The following ZNF454 variants were observed in gnomAD, a reference collection of about 807,000 sequenced individuals.
ZNF454 encodes the protein zinc finger protein 454.
In ZNF454, 30 loss-of-function variants were observed where a neutral mutation model predicts 48.2. That is an observed-to-expected ratio of 0.62 (90% CI 0.47 to 0.84). The LOEUF (loss-of-function observed/expected upper bound fraction) is 0.84, where lower values mean the gene tolerates loss of function less well. Ranked by LOEUF, ZNF454 falls within the 40% of genes least tolerant of loss-of-function variation. The pLI is 0.00. For missense variants in ZNF454, 510 were observed against 623.1 expected, an observed-to-expected ratio of 0.82 and a Z score of 1.93; for synonymous variants, 204 against 211.4, an observed-to-expected ratio of 0.97 and a Z score of 0.30.
At chr5:178,964,402 G>C (rs1760081886) in intron 4 of ZNF454, among the ~76,000 whole-genome samples, 1 of 152,294 alleles carries the variant, frequency 6.6e-6, no homozygotes, top group South Asian at 2.1e-4. Context: ...TTACAGGTGT[G>C]AGCCACAACG....
chr5:178,973,818 G>A, the ZNF454 span, among the ~76,000 whole-genome samples: 1 of 146,568 alleles, frequency 6.8e-6, no homozygotes, highest in Admixed American at 6.9e-5. Flanking sequence ...ACTCCAGCCT[G>A]GGCGACAGAG....
intron 4 of ZNF454, among the ~76,000 whole-genome samples, chr5:178,961,087 C>T (rs1759998122): frequency 6.6e-6 from 1 of 151,322 alleles, no homozygotes; most frequent in Non-Finnish European, 1.5e-5. Flanking sequence ...CGTGCCACTG[C>T]ACCCGGCTAA....
the ZNF454 span, chr5:178,989,289 C>A: frequency 6.5e-7 from 1 of 1,539,756 alleles, no homozygotes; most frequent in East Asian, 2.6e-5. Flanking sequence ...GTGGAATCGT[C>A]TGACTGGGTA....
At position 178,966,210 on chromosome 5, in the gene ZNF454, G is replaced by A. The variant is rs1000356748; in HGVS notation, c.*237G>A. 11 of 368,856 alleles carry A rather than the reference G, an allele frequency of 3.0e-5. No homozygotes were observed. The highest frequency in any genetic ancestry group is 8.2e-5 in the African/African-American group (4 of 48,716). The allele number at this position is 368,856 out of a possible 1,614,324, so 22.8% of individuals were successfully genotyped here. ...AGCACTTTGGGAGGCCGAGGTGGGC[G>A]GATCACGAGGTCAGGAGATCGAGAC... On this transcript the variant is annotated 3_prime_UTR_variant, in exon 5 of 5. Transcript: ENST00000519564.
the ZNF454 span, chr5:178,985,716 A>AG: frequency 2.4e-6 from 1 of 410,622 alleles, no homozygotes; most frequent in African/African-American, 2.3e-5. Flanking sequence ...AAAAAAAAAC[A>AG]AAACAACACA....
rs1322719444 is a variant in ZNF454 at position 178,961,677 on chromosome 5, G to T, written c.251-2978G>T. Among the ~76,000 whole-genome samples the T allele has an allele frequency of 1.3e-5, 2 of 151,140 alleles. 1 individual carries two copies. The highest frequency in any genetic ancestry group is 1.3e-4 in the Admixed American group (2 of 15,030). On this transcript the variant is annotated intron_variant, in intron 4 of 4. Coordinates refer to ENST00000519564, the MANE Select transcript of ZNF454 (RefSeq NM_001178089.3). ...GTAAAACACAAAAAAAAAATTAGCTGGGCATGGCAGCGTGCACCTGTAGTC... is the reference window on the plus strand; with the variant it reads ...GTAAAACACAAAAAAAAAATTAGCTTGGCATGGCAGCGTGCACCTGTAGTC...
chr5:178,965,708 C>T lies in ZNF454; in HGVS notation c.1304C>T (p.Thr435Ile), dbSNP rs751907552. ...SALAQHQRIH[T>I]GEKPYTCNIC... Reference sequence around the variant, plus strand: ...CTAGCCCAACATCAGAGAATTCATACTGGGGAAAAACCTTATACATGTAAC... The same window carrying T: ...CTAGCCCAACATCAGAGAATTCATATTGGGGAAAAACCTTATACATGTAAC... Residue 435 changes from threonine (T) to isoleucine (I), a missense_variant, in exon 5 of 5, where the codon ACT (threonine) becomes ATT (isoleucine). Thr to Ile is a moderately conservative substitution (Grantham distance 89). Coordinates refer to ENST00000519564, the MANE Select transcript of ZNF454 (RefSeq NM_001178089.3). This position sits in a 1 kb window ranked among gnomAD's most constrained non-coding sequence, Gnocchi z 5.2. 2 of 1,614,168 alleles carry T rather than the reference C, an allele frequency of 1.2e-6. No individual in the cohort carries two copies. The highest frequency in any genetic ancestry group is 3.3e-5 in the Admixed American group (2 of 60,020).
At chr5:178,989,217 A>AACC in the ZNF454 span, 6 of 954,812 alleles carry the variant, frequency 6.3e-6, no homozygotes, top group Middle Eastern at 3.3e-4. Context: ...CCCCACCCTC[A>AACC]CCACCCTCCC....
intron 4 of ZNF454, among the ~76,000 whole-genome samples, chr5:178,960,912 T>C (rs978398506): frequency 3.3e-5 from 5 of 150,654 alleles, no homozygotes; most frequent in African/African-American, 1.2e-4. Context: ...TTATGTTTTA[T>C]TTGTTCATCC....
chr5:178,942,502 A>T, intron 1 of ZNF454, 183 bp from the exon 2 acceptor site: 1 of 376,322 alleles, frequency 2.7e-6, no homozygotes, highest in Non-Finnish European at 4.8e-6. Context: ...CTGGACCTGG[A>T]GCAGGCTTTC....
the ZNF454 span, among the ~76,000 whole-genome samples, chr5:178,975,005 G>A: frequency 2.0e-5 from 3 of 152,028 alleles, no homozygotes; most frequent in South Asian, 2.1e-4. Flanking sequence ...AAAATATAAC[G>A]ACACATCAAA....
chr5:178,975,833 G>A, the ZNF454 span: 2 of 307,298 alleles, frequency 6.5e-6, no homozygotes, highest in African/African-American at 4.4e-5. Flanking sequence ...CTGACTTTAG[G>A]TAAAGGAGAT....
intron 2 of ZNF454, 147 bp downstream of exon 2, chr5:178,942,971 C>A: frequency 1.3e-6 from 1 of 793,692 alleles, no homozygotes; most frequent in Non-Finnish European, 2.0e-6. Context: ...ACCCTCCAAC[C>A]CCGCCCCATA....
At chr5:178,989,013 GC>G in the ZNF454 span, 1 of 1,614,000 alleles carries the variant, frequency 6.2e-7, no homozygotes, top group Non-Finnish European at 8.5e-7. Context: ...AGGCCTGTGT[GC>G]CCAGGGCAGA....
At chr5:178,949,984 G>C (rs1005066020) in intron 4 of ZNF454, among the ~76,000 whole-genome samples, 1 of 151,970 alleles carries the variant, frequency 6.6e-6, no homozygotes, top group Admixed American at 6.6e-5. Flanking sequence ...GGTTTTCAAG[G>C]AATTGGATCT....
At chr5:178,969,810 T>C, downstream of ZNF454, 1 of 357,114 alleles carries the variant, frequency 2.8e-6, no homozygotes, top group Non-Finnish European at 5.6e-6. Flanking sequence ...TCTAGACTGA[T>C]AGGTTCTTCA....
chr5:178,941,319 G>A lies in ZNF454; in HGVS notation c.-233G>A, dbSNP rs976901415. ...GGGCTGACCAGGCACGGTGGTCAAA[G>A]CCGCAGAGGGAGAGCGGGAGCGGTC... On this transcript the variant is annotated 5_prime_UTR_variant, in exon 1 of 5. Coordinates refer to ENST00000519564, the MANE Select transcript of ZNF454 (RefSeq NM_001178089.3). This position sits in a 1 kb window ranked among gnomAD's most constrained non-coding sequence, Gnocchi z 5.5. The A allele has an allele frequency of 2.2e-6, 1 of 450,412 alleles. No homozygotes were observed. Among genetic ancestry groups the A allele is most frequent in the East Asian group, 7.0e-5 (1 of 14,346 alleles). The allele number at this position is 450,412 out of a possible 1,614,324, so 27.9% of individuals were successfully genotyped here.
chr5:178,950,379 C>T (rs1367624070), intron 4 of ZNF454, among the ~76,000 whole-genome samples: 1 of 152,176 alleles, frequency 6.6e-6, no homozygotes, highest in Admixed American at 6.5e-5. Flanking sequence ...GGATGACTGA[C>T]TCCACTTCGC....
the ZNF454 span, chr5:178,989,441 C>T: frequency 1.2e-5 from 19 of 1,613,148 alleles, no homozygotes; most frequent in Admixed American, 3.2e-4. Flanking sequence ...GTGGCGCTGA[C>T]CTGAGCCAGC....
Sources: allele counts gnomAD v4.1 joint callset (sites outside exome capture counted in the v4.1 genomes callset), GRCh38; gene constraint gnomAD v4.1.1; non-coding constraint Gnocchi (gnomAD v3.1); transcripts MANE v1.5; gene names NCBI Gene and HGNC (gene_info 2026-07-23, HGNC 2026-07-21).